The following NPHP3 variants were observed in gnomAD, a reference collection of about 807,000 sequenced individuals.
NPHP3 encodes nephrocystin-3.
A neutral mutation model predicts 171.9 loss-of-function variants in NPHP3; 123 were observed. The ratio of observed to expected loss-of-function variants is 0.72; its 90% CI spans 0.62 to 0.83. The LOEUF (loss-of-function observed/expected upper bound fraction) is 0.83. Among genes scored for constraint, NPHP3 ranks in the 40% least tolerant of loss-of-function variants. The pLI is 0.00. For missense variants in NPHP3, 1,506 were observed against 1,591.9 expected, an observed-to-expected ratio of 0.95 and a Z score of 0.92; for synonymous variants, 558 against 579.2, an observed-to-expected ratio of 0.96 and a Z score of 0.52.
chr3:132,713,197 G>C lies in NPHP3; in HGVS notation c.1047C>G (p.Tyr349Ter). Residue 349 changes from tyrosine to a stop codon, truncating the protein, a stop_gained, in exon 6 of 27, where the codon TAC (tyrosine) becomes TAG (stop). Transcript: ENST00000337331. LOFTEE classifies it high-confidence loss of function. ...VYFPIDVENQYLTVRKWEIEK... is the reference protein window; with the variant it reads ...VYFPIDVENQ ...CAATTTCCCATTTTCTTACAGTGAG[G>C]TATTGATTTTCAACATCTATTGGAA... The C allele has an allele frequency of 3.9e-6, 6 of 1,557,464 alleles. No homozygotes were observed. Among genetic ancestry groups the C allele is most frequent in the Non-Finnish European group, 5.3e-6 (6 of 1,133,672 alleles).
rs1940018133 is a variant in NPHP3, at chr3:132,715,221, GAAAAT to G, written c.824-8_824-4del. ...AGCTACAGCAATATCCCAGTCATCTGAAAATAAAATTTCTCAAGTTCATGAAAAAA... is the reference window on the plus strand; with the variant it reads ...AGCTACAGCAATATCCCAGTCATCTGAAAATTTCTCAAGTTCATGAAAAAA... On this transcript the variant is annotated splice_polypyrimidine_tract_variant and splice_region_variant and intron_variant, in intron 4 of 26. Transcript: ENST00000337331. The G allele has an allele frequency of 1.2e-6, 2 of 1,611,404 alleles. No homozygotes were observed. Among genetic ancestry groups the G allele is most frequent in the Non-Finnish European group, 1.7e-6 (2 of 1,178,074 alleles).
At position 132,704,152 on chromosome 3, in the gene NPHP3, T is replaced by C. The variant is rs777359259; in HGVS notation, c.1524+46A>G. 7 of 1,543,876 alleles carry C rather than the reference T, an allele frequency of 4.5e-6. No individual in the cohort carries two copies. The East Asian group carries it at 1.6e-4, about 35-fold the overall frequency. On this transcript the variant is annotated intron_variant, in intron 9 of 26. Coordinates refer to ENST00000337331, the MANE Select transcript of NPHP3 (RefSeq NM_153240.5). The stretch of plus-strand genomic sequence containing the variant: ...TGAAAATACAATCATAATACAGCCT[T>C]TAAGTGGTGACAGATCTTTGTTGCA...
intron 9 of NPHP3, 116 bp downstream of exon 9, chr3:132,704,082 G>A: frequency 9.7e-7 from 1 of 1,026,424 alleles, no homozygotes; most frequent in Non-Finnish European, 1.5e-6. Flanking sequence ...ATCAAGCCAT[G>A]AGATTAGACA....
chr3:132,709,176 CA>C (rs1444227399), intron 6 of NPHP3, among the ~76,000 whole-genome samples: 1 of 150,476 alleles, frequency 6.6e-6, no homozygotes, highest in East Asian at 1.9e-4. Context: ...TATAGGGAAC[CA>C]AAATTATATT....
intron 6 of NPHP3, among the ~76,000 whole-genome samples, chr3:132,710,969 T>C (rs1031902570): frequency 1.3e-5 from 2 of 152,242 alleles, no homozygotes; most frequent in Non-Finnish European, 2.9e-5. Context: ...ACCATACATT[T>C]TGAGCTTCAT....
chr3:132,715,134 T>C lies in NPHP3; in HGVS notation c.908A>G (p.Tyr303Cys), dbSNP rs1940015440. The C allele has an allele frequency of 6.2e-7, 1 of 1,611,982 alleles. No homozygotes were observed. Among genetic ancestry groups the C allele is most frequent in the African/African-American group, 1.3e-5 (1 of 74,868 alleles). The stretch of plus-strand genomic sequence containing the variant: ...CTGGGTTTCATCTGTATAAATGAGG[T>C]AACATCTGACAGTGTTACTCCACAG... Reference protein sequence around the residue: ...HSLWSNTVRCYLIYTDETQPE... With the variant: ...HSLWSNTVRCCLIYTDETQPE... Residue 303 changes from tyrosine to cysteine, a missense_variant, in exon 5 of 27, where the codon TAC becomes TGC. Physicochemically the swap from Tyr to Cys is radical, Grantham distance 194. Around this residue, in one of 3 missense-constraint regions of NPHP3, gnomAD observed 930 missense variants for 924.9 expected, o/e 1.01. Transcript: ENST00000337331.
intron 3 of NPHP3, 22 bp from the exon 4 acceptor site, chr3:132,716,931 T>C (rs761274823): frequency 6.2e-7 from 1 of 1,612,388 alleles, no homozygotes; most frequent in Middle Eastern, 1.7e-4. Flanking sequence ...GAGATTTTTA[T>C]CTTGTGAAAG....
In NPHP3 at chr3:132,684,538, G is replaced by A. The variant is rs1559999920; in HGVS notation, c.3570+16C>T. 1 of 1,613,456 alleles carries A rather than the reference G, an allele frequency of 6.2e-7. No individual in the cohort carries two copies. Among genetic ancestry groups the A allele is most frequent in the Non-Finnish European group, 8.5e-7 (1 of 1,179,608 alleles). On this transcript the variant is annotated intron_variant, in intron 24 of 26. Coordinates refer to ENST00000337331, the MANE Select transcript of NPHP3 (RefSeq NM_153240.5). ...GATATGTTATAAAACATGTAAGAAT[G>A]TCAAAGCTTACTTACCATTTTCTTA...
At chr3:132,684,953 CT>C (rs1939118762) in intron 23 of NPHP3, 159 bp from the exon 24 acceptor site, 1 of 783,580 alleles carries the variant, frequency 1.3e-6, no homozygotes, top group Non-Finnish European at 2.1e-6. Context: ...TTCCCCACCC[CT>C]ATCTCTTCCT....
In NPHP3 at chr3:132,708,257, G is replaced by A. The variant is rs556746979; in HGVS notation, c.1119C>T (p.Ser373=). The change falls in exon 7 of 27, where the codon AGC becomes AGT. Residue 373 remains serine, a splice_region_variant and synonymous_variant. Transcript: ENST00000337331. ...VILFIHLTLP[S]LLLEDCEEAF... ...CTTCTTCACAGTCTTCCAATAAAAG[G>A]CTAGATTGGAAATCAGCATTTTGTG... is the stretch of plus-strand genomic sequence containing the variant. The A allele has an allele frequency of 1.2e-6, 2 of 1,613,618 alleles. No homozygotes were observed. Among genetic ancestry groups the A allele is most frequent in the Non-Finnish European group, 1.7e-6 (2 of 1,179,790 alleles).
chr3:132,682,675 GTA>G (rs1559999070), intron 26 of NPHP3, 26 bp downstream of exon 26: 1 of 1,240,296 alleles, frequency 8.1e-7, no homozygotes, highest in Non-Finnish European at 1.2e-6. Flanking sequence ...AAAAGAGGCT[GTA>G]TAAGGAAAGT....
chr3:132,684,525 A>G, intron 24 of NPHP3, 29 bp downstream of exon 24: 1 of 1,612,980 alleles, frequency 6.2e-7, no homozygotes, highest in Non-Finnish European at 8.5e-7. Flanking sequence ...TATGTTATAA[A>G]ACATGTAAGA....
chr3:132,720,666 A>G (rs564814922), intron 1 of NPHP3, among the ~76,000 whole-genome samples: 68 of 152,268 alleles, frequency 4.5e-4, no homozygotes, highest in Admixed American at 1.3e-3. Context: ...CAAAAACAAC[A>G]ACAACAACAA....
rs113091599 is a variant in NPHP3 at position 132,713,253 on chromosome 3, T to C, written c.991A>G (p.Thr331Ala). 3.7e-6 allele frequency: 6 copies of C among 1,604,566 alleles called. No homozygotes were observed. In the African/African-American group the frequency reaches 5.3e-5, roughly 14 times the overall value. ...YSPKLKRMCE[T>A]MGYFFHAVYF... ...ACAGCATGGAAAAAATATCCCATTGTCTCGCACATTCTCTTAAGTTTAGGT... is the reference window on the plus strand; with the variant it reads ...ACAGCATGGAAAAAATATCCCATTGCCTCGCACATTCTCTTAAGTTTAGGT... Residue 331 changes from threonine (T) to alanine (A), a missense_variant, in exon 6 of 27, where the codon ACA becomes GCA. Coordinates refer to ENST00000337331, the MANE Select transcript of NPHP3 (RefSeq NM_153240.5).
rs1939339381 is a variant in NPHP3 at position 132,693,012 on chromosome 3, T to C, written c.2311-194A>G. 16 of 576,568 alleles carry C rather than the reference T, an allele frequency of 2.8e-5. No homozygotes were observed. The East Asian group carries it at 4.7e-4, about 17-fold the overall frequency. 35.7% of individuals were successfully genotyped at this position (576,568 alleles called of 1,614,324 possible). On this transcript the variant is annotated intron_variant, in intron 16 of 26. Transcript: ENST00000337331. ...CATTAATGAAGATTAAGATAGTGTA[T>C]ATATAAAATCTAGCACACCAAAGAT...
At chr3:132,710,862 A>G (rs1576680995) in intron 6 of NPHP3, among the ~76,000 whole-genome samples, 2 of 151,842 alleles carry the variant, frequency 1.3e-5, no homozygotes, top group African/African-American at 4.8e-5. Context: ...GTGCCTGTGC[A>G]CCTCACTAAG....
chr3:132,694,334 T>C (rs1939386898), intron 16 of NPHP3, among the ~76,000 whole-genome samples: 1 of 151,168 alleles, frequency 6.6e-6, no homozygotes, highest in South Asian at 2.1e-4. Context: ...GAAAAAACTA[T>C]AAAACTTTTT....
At position 132,699,376 on chromosome 3, in the gene NPHP3, T is replaced by C. The variant is rs1246638268; in HGVS notation, c.1962A>G (p.Val654=). 6.8e-6 allele frequency: 11 copies of C among 1,612,412 alleles called. No individual in the cohort carries two copies. Among genetic ancestry groups the C allele is most frequent in the Admixed American group, 1.7e-5 (1 of 60,012 alleles). ...VNVRVIVSVN[V]ETCPPAWRLW... ...ACCTCCATGCTGGAGGGCATGTTTC[T>C]ACATTCACAGAAACAATTACTCTTA... The change falls in exon 13 of 27, where the codon GTA becomes GTG. Residue 654 remains valine (V), a synonymous_variant. Coordinates refer to ENST00000337331, the MANE Select transcript of NPHP3 (RefSeq NM_153240.5).
chr3:132,688,768 T>G lies in NPHP3; in HGVS notation c.3007A>C (p.Asn1003His). 6.2e-7 allele frequency: 1 copy of G among 1,614,150 alleles called. No individual in the cohort carries two copies. The highest frequency in any genetic ancestry group is 1.1e-5 in the South Asian group (1 of 91,078). The change falls in exon 21 of 27, where the codon AAT becomes CAT. Residue 1003 changes from asparagine (N) to histidine (H), a missense_variant. Physicochemically the swap from Asn to His is moderately conservative, Grantham distance 68 (BLOSUM62 1). Coordinates refer to ENST00000337331, the MANE Select transcript of NPHP3 (RefSeq NM_153240.5). ...GCCTGTTTATACAGTTGTTCTGCAT[T>G]GCCAAACTTCTTCCACTGCACGTAT... The part of the protein sequence containing the change: ...SVYVQWKKFG[N>H]AEQLYKQALE...
Sources: allele counts gnomAD v4.1 joint callset (sites outside exome capture counted in the v4.1 genomes callset), GRCh38; gene constraint gnomAD v4.1.1; regional missense constraint gnomAD v4.1.1; transcripts MANE v1.5; gene names NCBI Gene and HGNC (gene_info 2026-07-23, HGNC 2026-07-21).